DIAPH3: variants seen among roughly 807,000 people sequenced by gnomAD.
DIAPH3 encodes the protein diaphanous related formin 3, also known as protein diaphanous homolog 3.
A neutral mutation model predicts 144.3 loss-of-function variants in DIAPH3; 117 were observed. The ratio of observed to expected loss-of-function variants is 0.81; its 90% CI spans 0.70 to 0.95. The LOEUF (loss-of-function observed/expected upper bound fraction) is 0.95. Among genes scored for constraint, DIAPH3 ranks in the 40% least tolerant of loss-of-function variants. DIAPH3 has a pLI of 0.00. For missense variants in DIAPH3, 1,421 were observed against 1,412.7 expected, an observed-to-expected ratio of 1.01 and a Z score of -0.09; for synonymous variants, 519 against 488.9, an observed-to-expected ratio of 1.06 and a Z score of -0.81.
intron 22 of DIAPH3, among the ~76,000 whole-genome samples, chr13:59,841,155 A>T (rs1388887220): frequency 1.3e-5 from 2 of 152,094 alleles, no homozygotes; most frequent in African/African-American, 4.8e-5. Context: ...ATTACATAAG[A>T]GATTCCTTTT....
At chr13:59,681,483 A>G (rs976229126) in intron 27 of DIAPH3, among the ~76,000 whole-genome samples, 3 of 152,204 alleles carry the variant, frequency 2.0e-5, no homozygotes, top group African/African-American at 7.2e-5. Context: ...TCTCAAAAAC[A>G]AAAAGATTAA....
At chr13:59,989,203 A>T (rs2051636678) in intron 12 of DIAPH3, among the ~76,000 whole-genome samples, 1 of 151,832 alleles carries the variant, frequency 6.6e-6, no homozygotes, top group Admixed American at 6.6e-5. Flanking sequence ...GAAACCAAAA[A>T]ATGAAGGTAA....
At chr13:59,812,899 C>T (rs1593521404) in intron 24 of DIAPH3, among the ~76,000 whole-genome samples, 2 of 152,106 alleles carry the variant, frequency 1.3e-5, no homozygotes, top group Admixed American at 1.3e-4. Context: ...TTGTTTCGAA[C>T]TATCTTTTCA....
At chr13:59,673,640 G>A (rs563207323) in intron 27 of DIAPH3, among the ~76,000 whole-genome samples, 1 of 152,314 alleles carries the variant, frequency 6.6e-6, no homozygotes, top group African/African-American at 2.4e-5. Context: ...TGATTAGAGG[G>A]TTGGGGTTTT....
chr13:59,717,124 G>C (rs2035101203), intron 27 of DIAPH3, among the ~76,000 whole-genome samples: 1 of 152,104 alleles, frequency 6.6e-6, no homozygotes, highest in African/African-American at 2.4e-5. Context: ...CAGCAGTCCA[G>C]GAGGGTTGAC....
intron 1 of DIAPH3, among the ~76,000 whole-genome samples, chr13:60,159,486 G>A (rs1027108789): frequency 3.9e-5 from 6 of 152,028 alleles, no homozygotes; most frequent in Admixed American, 6.6e-5. Flanking sequence ...TTAGCCGGGC[G>A]TAGTGACACG....
At chr13:60,071,799 T>C (rs1320401976) in intron 4 of DIAPH3, among the ~76,000 whole-genome samples, 1 of 152,196 alleles carries the variant, frequency 6.6e-6, no homozygotes, top group African/African-American at 2.4e-5. Context: ...TCCTTATTTT[T>C]AAAACTTTTA....
At chr13:60,011,568 A>G (rs2053270175) in intron 7 of DIAPH3, among the ~76,000 whole-genome samples, 1 of 152,216 alleles carries the variant, frequency 6.6e-6, no homozygotes, top group African/African-American at 2.4e-5. Context: ...TTTTCTTCCT[A>G]AATAGTTGAA....
intron 4 of DIAPH3, among the ~76,000 whole-genome samples, chr13:60,045,285 A>T (rs1323206771): frequency 6.6e-6 from 1 of 152,010 alleles, no homozygotes; most frequent in Non-Finnish European, 1.5e-5. Flanking sequence ...GGTTGAGGTG[A>T]GCAGAGATCA....
Position 59,974,374 on chromosome 13 carries a change from T to C in DIAPH3, c.1628A>G (p.Glu543Gly). ...KEAKINELQA[E>G]LQAFKSQFGA... ...TACCTGAGACTTAAAAGCTTGTAGC[T>C]CTGCTTGAAGCTCATTAATCTTTGC... Residue 543 changes from glutamate (E) to glycine (G), a missense_variant, in exon 15 of 28, where the codon GAG becomes GGG. Glu to Gly is a moderately conservative substitution (Grantham distance 98). Coordinates refer to ENST00000400324, the MANE Select transcript of DIAPH3 (RefSeq NM_001042517.2). 6.2e-7 allele frequency: 1 copy of C among 1,612,636 alleles called. No homozygotes were observed.
intron 4 of DIAPH3, among the ~76,000 whole-genome samples, chr13:60,084,974 G>C (rs577323757): frequency 1.5e-3 from 225 of 152,132 alleles, no homozygotes; most frequent in African/African-American, 5.2e-3. Context: ...AGTATGTATA[G>C]AATTTATGCC....
At chr13:59,898,270 G>C (rs1238952025) in intron 20 of DIAPH3, among the ~76,000 whole-genome samples, 1 of 151,834 alleles carries the variant, frequency 6.6e-6, no homozygotes, top group Non-Finnish European at 1.5e-5. Context: ...CCACAGCTCT[G>C]TGAGACAGGT....
At chr13:59,777,663 G>C (rs2038494168) in intron 25 of DIAPH3, among the ~76,000 whole-genome samples, 2 of 152,278 alleles carry the variant, frequency 1.3e-5, no homozygotes. Flanking sequence ...AACCTGTGTA[G>C]CACTTCGCAC....
intron 17 of DIAPH3, among the ~76,000 whole-genome samples, chr13:59,939,998 C>A (rs1327843675): frequency 6.6e-6 from 1 of 152,052 alleles, no homozygotes; most frequent in Non-Finnish European, 1.5e-5. Context: ...GCAATACTTT[C>A]ATCCCCTTGC....
At chr13:60,147,569 T>A (rs974589706) in intron 1 of DIAPH3, among the ~76,000 whole-genome samples, 5 of 152,162 alleles carry the variant, frequency 3.3e-5, no homozygotes, top group Admixed American at 6.5e-5. Flanking sequence ...GGGTCCAGAT[T>A]TGCTTCAAGC....
intron 3 of DIAPH3, among the ~76,000 whole-genome samples, chr13:60,097,794 G>GCTTATTTCTCTCTC (rs2058150978): frequency 1.3e-5 from 2 of 151,824 alleles, no homozygotes; most frequent in Non-Finnish European, 1.5e-5. Flanking sequence ...AAAAAAGAGA[G>GCTTATTTCTCTCTC]AGAGAGAGAG....
intron 24 of DIAPH3, among the ~76,000 whole-genome samples, chr13:59,819,031 C>G (rs1412599014): frequency 1.3e-5 from 2 of 151,678 alleles, no homozygotes; most frequent in Admixed American, 1.3e-4. Context: ...CTGATCATTT[C>G]ACCAAACAAT....
chr13:59,835,082 A>T lies in DIAPH3; in HGVS notation c.2863-1811T>A, dbSNP rs2041973593. ...TTTTAGGTCATACTGCCTTTATTAC[A>T]GTTCTGTCACTGAGGATGCCCATAA... is the stretch of plus-strand genomic sequence containing the variant. On this transcript the variant is annotated intron_variant, in intron 23 of 27. Transcript: ENST00000400324. Among the ~76,000 whole-genome samples the T allele has an allele frequency of 3.3e-5, 5 of 151,806 alleles. No individual in the cohort carries two copies. In the South Asian group the frequency reaches 1.0e-3, roughly 31 times the overall value.
intron 17 of DIAPH3, among the ~76,000 whole-genome samples, chr13:59,953,473 T>C (rs1190464745): frequency 6.6e-6 from 1 of 152,136 alleles, no homozygotes; most frequent in Non-Finnish European, 1.5e-5. Flanking sequence ...CTCCAATGCC[T>C]GGTGAAAGAC....
Sources: allele counts gnomAD v4.1 joint callset (sites outside exome capture counted in the v4.1 genomes callset), GRCh38; gene constraint gnomAD v4.1.1; transcripts MANE v1.5; gene names NCBI Gene and HGNC (gene_info 2026-07-23, HGNC 2026-07-21).